LTBP1: variants seen among roughly 807,000 people sequenced by gnomAD.
LTBP1 encodes the protein latent transforming growth factor beta binding protein 1.
In LTBP1, 129 loss-of-function variants were observed where a neutral mutation model predicts 207.6. The observed-to-expected ratio is 0.62, with a 90% CI of 0.54 to 0.72. The LOEUF (loss-of-function observed/expected upper bound fraction) is 0.72. Ranked by LOEUF, LTBP1 falls within the 30% of genes least tolerant of loss-of-function variation. LTBP1 has a pLI of 0.00. For synonymous variants in LTBP1, 963 were observed against 833.7 expected (o/e 1.16, Z -2.67); for missense variants, 2,281 against 2,217.2 (o/e 1.03, Z -0.58).
intron 2 of LTBP1, among the ~76,000 whole-genome samples, chr2:32,954,147 C>T (rs17012390): frequency 0.062 from 9,455 of 152,202 alleles, 531 homozygotes; most frequent in East Asian, 0.22. Flanking sequence ...CCTGGGCTTC[C>T]TGGACATCCA....
At position 33,302,950 on chromosome 2, in the gene LTBP1, TACACACACACACACAC is replaced by T. The variant is rs70938396; in HGVS notation, c.3481+1326_3481+1341del. On this transcript the variant is annotated intron_variant, in intron 22 of 33. Transcript: ENST00000404816. The stretch of plus-strand genomic sequence containing the variant: ...CGTGGTGGCGCCCAGCTAATATTTT[TACACACACACACACAC>T]ACACACACACACACACACAAACACA... Among the ~76,000 whole-genome samples, 551 of 144,898 alleles carry T rather than the reference TACACACACACACACAC, an allele frequency of 3.8e-3. 4 individuals carry two copies. The highest frequency in any genetic ancestry group is 0.013 in the African/African-American group (514 of 39,664).
At chr2:33,277,397 G>A (rs564708053) in intron 18 of LTBP1, among the ~76,000 whole-genome samples, 6 of 152,270 alleles carry the variant, frequency 3.9e-5, no homozygotes, top group South Asian at 4.1e-4. Context: ...GAGATGCAGC[G>A]TGGGAGCAGC....
intron 25 of LTBP1, among the ~76,000 whole-genome samples, chr2:33,343,456 C>T (rs2094658955): frequency 6.7e-6 from 1 of 149,262 alleles, no homozygotes; most frequent in Non-Finnish European, 1.5e-5. Context: ...TTGTTAGGGA[C>T]ATTAAGAAAT....
At position 33,321,198 on chromosome 2, in the gene LTBP1, G is replaced by A. The variant is rs143101826; in HGVS notation, c.3730+5929G>A. Reference sequence around the variant, plus strand: ...GGAAGAGGGCTTCTTGTCACATCTAGCCTGAACTCTGACTCCCACAGTATA... The same window carrying A: ...GGAAGAGGGCTTCTTGTCACATCTAACCTGAACTCTGACTCCCACAGTATA... On this transcript the variant is annotated intron_variant, in intron 24 of 33. Coordinates refer to ENST00000404816, the MANE Select transcript of LTBP1 (RefSeq NM_206943.4). Among the ~76,000 whole-genome samples the A allele has an allele frequency of 5.9e-5, 9 of 152,222 alleles. No individual in the cohort carries two copies. The East Asian group carries it at 1.7e-3, about 29-fold the overall frequency.
At chr2:33,235,884 C>A (rs889224642) in intron 9 of LTBP1, among the ~76,000 whole-genome samples, 1 of 152,098 alleles carries the variant, frequency 6.6e-6, no homozygotes, top group African/African-American at 2.4e-5. Context: ...AGGGGAACAT[C>A]ACACACTGGG....
At chr2:33,011,848 G>C (rs537861949) in intron 2 of LTBP1, among the ~76,000 whole-genome samples, 4 of 151,922 alleles carry the variant, frequency 2.6e-5, no homozygotes, top group African/African-American at 9.7e-5. Context: ...CATAAATCCT[G>C]AATCAGTGGG....
intron 19 of LTBP1, among the ~76,000 whole-genome samples, chr2:33,287,117 C>T (rs2093681794): frequency 6.6e-6 from 1 of 151,294 alleles, no homozygotes; most frequent in East Asian, 1.9e-4. Context: ...ACAACAACAA[C>T]AACAACTTTT....
chr2:33,213,431 A>G (rs537556134), intron 7 of LTBP1, among the ~76,000 whole-genome samples: 107 of 152,360 alleles, frequency 7.0e-4, no homozygotes, highest in African/African-American at 2.4e-3. Flanking sequence ...GCGTGAGCCT[A>G]TATCTGTGTG....
At chr2:33,118,212 A>AAACAAC (rs1558659300) in intron 4 of LTBP1, among the ~76,000 whole-genome samples, 2 of 151,720 alleles carry the variant, frequency 1.3e-5, no homozygotes, top group East Asian at 1.9e-4. Context: ...AACAAAAAAA[A>AAACAAC]AACAACAAAA....
intron 2 of LTBP1, among the ~76,000 whole-genome samples, chr2:32,994,272 A>G (rs557986904): frequency 2.6e-5 from 4 of 152,166 alleles, no homozygotes; most frequent in South Asian, 4.2e-4. Context: ...TGTGTTTTCT[A>G]TGGAATGTGT....
At chr2:33,219,453 C>T (rs982156977) in intron 8 of LTBP1, among the ~76,000 whole-genome samples, 1 of 152,102 alleles carries the variant, frequency 6.6e-6, no homozygotes, top group African/African-American at 2.4e-5. Flanking sequence ...GCCCTGAGTT[C>T]GACTCCCAGC....
At chr2:33,023,102 T>TA (rs2075253946) in intron 3 of LTBP1, among the ~76,000 whole-genome samples, 2 of 152,320 alleles carry the variant, frequency 1.3e-5, no homozygotes, top group South Asian at 4.1e-4. Context: ...GATTATATCA[T>TA]AGCTAGACAT....
rs117171838 is a variant in LTBP1 at position 33,301,657 on chromosome 2, C to T, written c.3481+13C>T. The T allele has an allele frequency of 5.4e-4, 849 of 1,568,952 alleles. 4 individuals carry two copies. The East Asian group carries it at 0.016, about 29-fold the overall frequency. On this transcript the variant is annotated intron_variant, in intron 22 of 33. Transcript: ENST00000404816. ...GACCACTGTGAAGGTAAGAATTGCT[C>T]CTGATTTCAGAATCATAAAATGCCC...
At position 33,115,105 on chromosome 2, in the gene LTBP1, TAC is replaced by T. The variant is rs60973498; in HGVS notation, c.1033+4368_1033+4369del. On this transcript the variant is annotated intron_variant, in intron 4 of 33. Transcript: ENST00000404816. ...ACAAATATATATACACACATATATG[TAC>T]ACACACACACACATATATATACACA... Among the ~76,000 whole-genome samples, 152 of 144,092 alleles carry T rather than the reference TAC, an allele frequency of 1.1e-3. No individual in the cohort carries two copies. The East Asian group carries it at 0.024, about 23-fold the overall frequency. 94.5% of individuals were successfully genotyped at this position (144,092 alleles called of 152,430 possible). A position where few individuals can be genotyped will look rare whatever the true frequency, so the allele number is the denominator to read the frequency against.
chr2:33,000,258 T>A (rs1049106277), intron 2 of LTBP1, among the ~76,000 whole-genome samples: 1 of 134,680 alleles, frequency 7.4e-6, no homozygotes, highest in Non-Finnish European at 1.6e-5. Context: ...TGTTGTAGTG[T>A]AAACATATCT....
intron 3 of LTBP1, among the ~76,000 whole-genome samples, chr2:33,045,799 G>A (rs149503060): frequency 6.6e-6 from 1 of 152,202 alleles, no homozygotes; most frequent in Non-Finnish European, 1.5e-5. Context: ...TTGAGCAGCG[G>A]TTTGTAGTTC....
At chr2:33,330,441 A>G (rs1241979833) in intron 24 of LTBP1, among the ~76,000 whole-genome samples, 3 of 151,560 alleles carry the variant, frequency 2.0e-5, no homozygotes, top group Admixed American at 6.6e-5. Flanking sequence ...CTCTTTCCTG[A>G]TATCAGCAGC....
At position 32,993,969 on chromosome 2, in the gene LTBP1, AGTGTGTGTGT is replaced by A. The variant is rs70938383; in HGVS notation, c.566-26909_566-26900del. On this transcript the variant is annotated intron_variant, in intron 2 of 33. Coordinates refer to ENST00000404816, the MANE Select transcript of LTBP1 (RefSeq NM_206943.4). ...CCAAAGAGGGGACTTCAGTTAGGGG[AGTGTGTGTGT>A]GTGTGTGTGTGTGTGTGTGTGTGTG... Among the ~76,000 whole-genome samples the A allele has an allele frequency of 3.4e-3, 465 of 138,472 alleles. 1 individual carries two copies. Among genetic ancestry groups the A allele is most frequent in the African/African-American group, 0.012 (433 of 36,754 alleles). The allele number at this position is 138,472 out of a possible 152,430, so 90.8% of individuals were successfully genotyped here.
intron 3 of LTBP1, among the ~76,000 whole-genome samples, chr2:33,103,760 T>G (rs1284327894): frequency 6.6e-6 from 1 of 152,164 alleles, no homozygotes; most frequent in African/African-American, 2.4e-5. Context: ...CACTTTAATT[T>G]ACTTGAATGC....
Sources: gnomAD v4.1 joint callset for allele counts (sites outside exome capture counted in the v4.1 genomes callset) on GRCh38, gnomAD v4.1.1 for gene constraint, MANE v1.5 for transcripts, NCBI Gene and HGNC (gene_info 2026-07-23, HGNC 2026-07-21) for gene names.